NTM: variants seen among roughly 807,000 people sequenced by gnomAD.
NTM encodes the protein IgLON family member 2.
In NTM, 13 loss-of-function variants were observed where a neutral mutation model predicts 42.1. The ratio of observed to expected loss-of-function variants is 0.31; its 90% confidence interval spans 0.20 to 0.49. The LOEUF (loss-of-function observed/expected upper bound fraction) is 0.49. Among genes scored for constraint, NTM ranks in the 20% least tolerant of loss-of-function variants. The probability of loss-of-function intolerance (pLI) is 0.99; values close to 1 mark genes in which losing one functional copy is unlikely to be tolerated. For synonymous variants in NTM, 187 were observed against 179.2 expected, an observed-to-expected ratio of 1.04 and a Z score of -0.35; for missense variants, 373 against 452.8, an observed-to-expected ratio of 0.82 and a Z score of 1.60.
chr11:131,401,031 A>AG (rs1945079475), intron 1 of NTM, among the ~76,000 whole-genome samples: 2 of 151,896 alleles, frequency 1.3e-5, no homozygotes, highest in African/African-American at 4.8e-5. Context: ...AAAAAAAAGG[A>AG]GAGTGAGGCA....
chr11:131,440,998 C>A (rs1949581791), intron 1 of NTM, among the ~76,000 whole-genome samples: 1 of 151,988 alleles, frequency 6.6e-6, no homozygotes, highest in South Asian at 2.1e-4. Flanking sequence ...TACAATTTTG[C>A]CAACGTGTTT....
chr11:131,386,449 G>A (rs1943325595), intron 1 of NTM, among the ~76,000 whole-genome samples: 1 of 152,336 alleles, frequency 6.6e-6, no homozygotes, highest in East Asian at 1.9e-4. Context: ...GGTTAAAAGG[G>A]TGAATTTTAT....
intron 4 of NTM, among the ~76,000 whole-genome samples, chr11:132,292,157 C>A (rs943642460): frequency 2.6e-5 from 4 of 152,046 alleles, no homozygotes; most frequent in African/African-American, 9.7e-5. Flanking sequence ...GAAACAAATG[C>A]ATAGAACAAA....
At chr11:132,030,369 C>T (rs1291159077) in intron 2 of NTM, among the ~76,000 whole-genome samples, 1 of 152,166 alleles carries the variant, frequency 6.6e-6, no homozygotes, top group Non-Finnish European at 1.5e-5. Context: ...GAAACCCAAA[C>T]CAAAACACTG....
intron 2 of NTM, among the ~76,000 whole-genome samples, chr11:131,920,707 A>C (rs1230572304): frequency 6.6e-6 from 1 of 152,208 alleles, no homozygotes; most frequent in Admixed American, 6.5e-5. Flanking sequence ...TTTGTCTTAT[A>C]AAATGAACGT....
chr11:131,625,355 G>C, intron 1 of NTM, among the ~76,000 whole-genome samples: 1 of 152,238 alleles, frequency 6.6e-6, no homozygotes, highest in South Asian at 2.1e-4. Flanking sequence ...TCTGAAAAGT[G>C]GCAGAGGAAG....
At chr11:131,523,615 C>A (rs1441669036) in intron 1 of NTM, among the ~76,000 whole-genome samples, 2 of 151,766 alleles carry the variant, frequency 1.3e-5, no homozygotes, top group African/African-American at 2.4e-5. Flanking sequence ...ATGGTGAAAA[C>A]CCCATCTCTA....
chr11:131,601,208 G>A lies in NTM; in HGVS notation c.82+230320G>A, dbSNP rs111952734. Reference sequence around the variant, plus strand: ...CAGCTCTGTGGTCTGATGGTCTTTCGGGGAGCATACAGATGGACAGTGGTG... The same window carrying A: ...CAGCTCTGTGGTCTGATGGTCTTTCAGGGAGCATACAGATGGACAGTGGTG... On this transcript the variant is annotated intron_variant, in intron 1 of 8. Coordinates refer to ENST00000683400, the MANE Select transcript of NTM (RefSeq NM_001352005.2). Among the ~76,000 whole-genome samples the A allele has an allele frequency of 1.2e-3, 176 of 152,224 alleles. 2 individuals carry two copies. Among genetic ancestry groups the A allele is most frequent in the African/African-American group, 4.2e-3 (174 of 41,520 alleles).
intron 1 of NTM, among the ~76,000 whole-genome samples, chr11:131,464,219 G>T (rs1951674577): frequency 6.6e-6 from 1 of 152,104 alleles, no homozygotes; most frequent in African/African-American, 2.4e-5. Flanking sequence ...TGGAGACCAA[G>T]CACCATATGG....
At chr11:132,133,523 G>A (rs191417861) in intron 2 of NTM, among the ~76,000 whole-genome samples, 1 of 152,152 alleles carries the variant, frequency 6.6e-6, no homozygotes, top group Non-Finnish European at 1.5e-5. Context: ...AAGTTTAAGG[G>A]GTAAGTTAGA....
intron 1 of NTM, among the ~76,000 whole-genome samples, chr11:131,606,166 C>T (rs946514096): frequency 1.3e-5 from 2 of 152,084 alleles, no homozygotes; most frequent in African/African-American, 4.8e-5. Context: ...ACCTCAGCCA[C>T]CCTGGCTCAA....
At chr11:132,317,069 T>G (rs1353586689) in intron 7 of NTM, among the ~76,000 whole-genome samples, 1 of 152,176 alleles carries the variant, frequency 6.6e-6, no homozygotes, top group Non-Finnish European at 1.5e-5. Context: ...GGAATTCTGG[T>G]GCAAGAGACC....
rs535531798 is a variant in NTM, at chr11:131,529,258, G to A, written c.82+158370G>A. ...GTCCCCAGATAGAAAGGGTATTTAC[G>A]AAGCTCTTAGTAAATCCAGAGGACA... is the stretch of plus-strand genomic sequence containing the variant. On this transcript the variant is annotated intron_variant, in intron 1 of 8. Transcript: ENST00000683400. Among the ~76,000 whole-genome samples, 8 of 152,346 alleles carry A rather than the reference G, an allele frequency of 5.3e-5. No homozygotes were observed. The South Asian group carries it at 1.5e-3, about 28-fold the overall frequency.
intron 2 of NTM, among the ~76,000 whole-genome samples, chr11:132,070,616 C>T (rs572704775): frequency 9.1e-5 from 12 of 131,908 alleles, no homozygotes; most frequent in African/African-American, 3.4e-4. Context: ...TTAGTTAACA[C>T]ATCACACAGC....
At chr11:131,666,134 G>A (rs118046425) in intron 1 of NTM, among the ~76,000 whole-genome samples, 3 of 152,218 alleles carry the variant, frequency 2.0e-5, no homozygotes, top group Non-Finnish European at 4.4e-5. Context: ...CATCTATTCT[G>A]AGGATTCAGT....
chr11:131,700,517 C>A (rs57651971), intron 1 of NTM, among the ~76,000 whole-genome samples: 10,185 of 152,218 alleles, frequency 0.067, 1,106 homozygotes, highest in African/African-American at 0.22. Context: ...GATCTTCTAG[C>A]TTCATGATGA....
intron 2 of NTM, among the ~76,000 whole-genome samples, chr11:131,923,368 C>T (rs1158082622): frequency 1.3e-5 from 2 of 152,144 alleles, no homozygotes; most frequent in East Asian, 3.8e-4. Flanking sequence ...TAATAGTAAG[C>T]TATTAATAGT....
At chr11:131,656,112 T>C (rs1295704702) in intron 1 of NTM, among the ~76,000 whole-genome samples, 3 of 152,092 alleles carry the variant, frequency 2.0e-5, no homozygotes, top group African/African-American at 7.2e-5. Flanking sequence ...ACCAGCAAAG[T>C]GTTAGTGCCA....
chr11:132,293,325 T>C (rs1371224268), intron 4 of NTM, among the ~76,000 whole-genome samples: 2 of 152,098 alleles, frequency 1.3e-5, no homozygotes, highest in African/African-American at 4.8e-5. Context: ...AAAAAATATG[T>C]GCGGTATTTA....
Sources: allele counts gnomAD v4.1 joint callset (sites outside exome capture counted in the v4.1 genomes callset), GRCh38; gene constraint gnomAD v4.1.1; transcripts MANE v1.5; gene names NCBI Gene and HGNC (gene_info 2026-07-23, HGNC 2026-07-21).